The following SSH2 variants were observed in gnomAD, a reference collection of about 807,000 sequenced individuals.
The protein encoded by SSH2 is protein phosphatase Slingshot homolog 2.
Under a neutral mutation model 135.2 loss-of-function variants are expected in SSH2, and 37 were observed. The ratio of observed to expected loss-of-function variants is 0.27; its 90% CI spans 0.21 to 0.36. The LOEUF is 0.36. Among genes scored for constraint, SSH2 ranks in the 10% least tolerant of loss-of-function variants. The pLI, the probability that SSH2 is intolerant of heterozygous loss-of-function variation, is 1.00. For synonymous variants in SSH2, 628 were observed against 646.2 expected, an observed-to-expected ratio of 0.97 and a Z score of 0.43; for missense variants, 1,408 against 1,765.3, an observed-to-expected ratio of 0.80 and a Z score of 3.63.
At chr17:29,858,822 T>G (rs1234229957) in intron 1 of SSH2, among the ~76,000 whole-genome samples, 1 of 152,070 alleles carries the variant, frequency 6.6e-6, no homozygotes, top group African/African-American at 2.4e-5. Context: ...CAGTGAGCTA[T>G]GATCACACCA....
intron 6 of SSH2, 122 bp from the exon 7 acceptor site, chr17:29,677,863 C>T (rs2037794934): frequency 1.4e-6 from 1 of 709,966 alleles, no homozygotes; most frequent in Non-Finnish European, 2.4e-6. Context: ...ATAAGTGTTA[C>T]AATGAAGAAA....
At position 29,671,915 on chromosome 17, in the gene SSH2, T is replaced by A. The variant is rs1257737945; in HGVS notation, c.809+20A>T. The A allele has an allele frequency of 5.0e-6, 8 of 1,603,588 alleles. No homozygotes were observed. Among genetic ancestry groups the A allele is most frequent in the Non-Finnish European group, 6.0e-6 (7 of 1,173,114 alleles). On this transcript the variant is annotated intron_variant, in intron 9 of 15. Coordinates refer to ENST00000540801, the MANE Select transcript of SSH2 (RefSeq NM_001282129.2). ...GACATAATGGAGAGAACTTCCATAA[T>A]CCTTAGCAAACTGACTTACATGTCG...
chr17:29,684,707 G>C, intron 5 of SSH2, 23 bp from the exon 6 acceptor site: 6 of 1,597,694 alleles, frequency 3.8e-6, no homozygotes, highest in Non-Finnish European at 5.1e-6. Context: ...AGACAACAGA[G>C]AAATTATGAA....
intron 11 of SSH2, 31 bp from the exon 12 acceptor site, chr17:29,655,638 T>G: frequency 1.2e-6 from 2 of 1,600,512 alleles, no homozygotes; most frequent in Non-Finnish European, 1.7e-6. Context: ...GGTTAAGGAG[T>G]ATTAGCAAAT....
chr17:29,636,574 T>C lies in SSH2; in HGVS notation c.1656A>G (p.Glu552=). ...DANQKGLCTK[E]RMICLEFTSR... ...AAGTAAACTCCAAGCAGATCATTCT[T>C]TCTTTGGTACACAGGCCTTTCTGAT... The change falls in exon 15 of 16, where the codon GAA becomes GAG. Residue 552 remains glutamate (E), a synonymous_variant. Coordinates refer to ENST00000540801, the MANE Select transcript of SSH2 (RefSeq NM_001282129.2). The C allele has an allele frequency of 1.2e-6, 2 of 1,614,228 alleles. No individual in the cohort carries two copies. The highest frequency in any genetic ancestry group is 1.7e-6 in the Non-Finnish European group (2 of 1,180,048).
At chr17:29,794,963 A>G (rs1167453429) in intron 2 of SSH2, among the ~76,000 whole-genome samples, 1 of 152,216 alleles carries the variant, frequency 6.6e-6, no homozygotes, top group Non-Finnish European at 1.5e-5. Context: ...CTCCCTGACA[A>G]TTTGTATTTG....
intron 11 of SSH2, among the ~76,000 whole-genome samples, chr17:29,659,217 C>T (rs2036920211): frequency 6.6e-6 from 1 of 152,066 alleles, no homozygotes; most frequent in South Asian, 2.1e-4. Flanking sequence ...AATGATATTT[C>T]TTATTTGTGG....
intron 1 of SSH2, among the ~76,000 whole-genome samples, chr17:29,908,096 T>G (rs1315916678): frequency 2.0e-5 from 3 of 151,690 alleles, no homozygotes; most frequent in Non-Finnish European, 4.4e-5. Flanking sequence ...GATTTTGGCG[T>G]GAGCCACTGT....
intron 4 of SSH2, among the ~76,000 whole-genome samples, chr17:29,702,075 G>A (rs1450583677): frequency 6.6e-6 from 1 of 151,852 alleles, no homozygotes; most frequent in Non-Finnish European, 1.5e-5. Context: ...ACTGAGGGCT[G>A]GGTGCGGGGA....
intron 1 of SSH2, among the ~76,000 whole-genome samples, chr17:29,915,135 A>C (rs1045957911): frequency 1.3e-5 from 2 of 152,156 alleles, no homozygotes; most frequent in Non-Finnish European, 2.9e-5. Context: ...TCAGTACTCA[A>C]AGAAGAAATA....
chr17:29,629,444 A>G lies in SSH2; in HGVS notation c.*1397T>C, dbSNP rs1169954910. 1 of 152,682 alleles carries G rather than the reference A, an allele frequency of 6.5e-6. No homozygotes were observed. The highest frequency in any genetic ancestry group is 1.5e-5 in the Non-Finnish European group (1 of 68,040). The allele number at this position is 152,682 out of a possible 1,614,324, so 9.5% of individuals were successfully genotyped here. Reference sequence around the variant, plus strand: ...TAGGGGTGTCTCTGAGGAAAAAGTTACTAATGCATAATTTGGCAGGAGCTG... The same window carrying G: ...TAGGGGTGTCTCTGAGGAAAAAGTTGCTAATGCATAATTTGGCAGGAGCTG... On this transcript the variant is annotated 3_prime_UTR_variant, in exon 16 of 16. Transcript: ENST00000540801.
intron 3 of SSH2, among the ~76,000 whole-genome samples, chr17:29,750,438 C>CA (rs58020189): frequency 0.5 from 61,408 of 122,464 alleles, 13,644 homozygotes; most frequent in Non-Finnish European, 0.54. Flanking sequence ...GACTCTGTCT[C>CA]AAAAAAAAAA....
chr17:29,840,726 G>A (rs1245728474), intron 2 of SSH2, among the ~76,000 whole-genome samples: 1 of 152,172 alleles, frequency 6.6e-6, no homozygotes, highest in African/African-American at 2.4e-5. Flanking sequence ...TGACATGAGG[G>A]AATCCTGCAT....
Position 29,709,015 on chromosome 17 carries a change from T to TATATATAGAGAGAGAGAG in SSH2, c.189-5954_189-5953insCTCTCTCTCTCTATATAT, listed in dbSNP as rs780981175. Among the ~76,000 whole-genome samples the TATATATAGAGAGAGAGAG allele has an allele frequency of 1.6e-3, 127 of 81,574 alleles. 3 individuals carry two copies. Among genetic ancestry groups the TATATATAGAGAGAGAGAG allele is most frequent in the Non-Finnish European group, 2.7e-3 (108 of 40,688 alleles). The allele number at this position is 81,574 out of a possible 152,430, so 53.5% of individuals were successfully genotyped here. A position where few individuals can be genotyped will look rare whatever the true frequency, so the allele number is the denominator to read the frequency against. On this transcript the variant is annotated intron_variant, in intron 3 of 15. Coordinates refer to ENST00000540801, the MANE Select transcript of SSH2 (RefSeq NM_001282129.2). ...AGAAATATATATATATATATATATATAGAGAGAGAGAGAGAGAGAGAGAGA... is the reference window on the plus strand; with the variant it reads ...AGAAATATATATATATATATATATATATATATAGAGAGAGAGAGAGAGAGAGAGAGAGAGAGAGAGAGA...
At chr17:29,771,184 C>A (rs2041578398) in intron 3 of SSH2, among the ~76,000 whole-genome samples, 1 of 152,312 alleles carries the variant, frequency 6.6e-6, no homozygotes, top group Admixed American at 6.5e-5. Context: ...GTCTTATTTT[C>A]TGTCCTCTAT....
chr17:29,784,065 C>CA (rs71138857), intron 3 of SSH2, among the ~76,000 whole-genome samples: 824 of 8,202 alleles, frequency 0.1, 179 homozygotes, highest in African/African-American at 0.19. Context: ...GACTCCGTCT[C>CA]AAAAAAAAAA....
chr17:29,683,773 GAAAA>G (rs762331303), intron 6 of SSH2, among the ~76,000 whole-genome samples: 1 of 119,820 alleles, frequency 8.3e-6, no homozygotes, highest in Non-Finnish European at 1.8e-5. Context: ...GAAAAATAAG[GAAAA>G]AAAAAAAAAA....
intron 14 of SSH2, among the ~76,000 whole-genome samples, chr17:29,638,480 T>G (rs889565173): frequency 1.3e-5 from 2 of 150,782 alleles, no homozygotes; most frequent in Non-Finnish European, 2.9e-5. Context: ...TAGAAATACT[T>G]CTGGGGAAGG....
At chr17:29,724,111 AAATTATAATTT>A (rs549328868) in intron 3 of SSH2, among the ~76,000 whole-genome samples, 186 of 152,364 alleles carry the variant, frequency 1.2e-3, no homozygotes, top group African/African-American at 4.3e-3. Context: ...ACAACAGACC[AAATTATAATTT>A]AATCAACTAG....
Sources: gnomAD v4.1 joint callset for allele counts (sites outside exome capture counted in the v4.1 genomes callset) on GRCh38, gnomAD v4.1.1 for gene constraint, MANE v1.5 for transcripts, NCBI Gene and HGNC (gene_info 2026-07-23, HGNC 2026-07-21) for gene names.